Variants in DHRS3 observed in about 807,000 individuals in gnomAD.
DHRS3 encodes short-chain dehydrogenase/reductase 3.
In DHRS3, 14 loss-of-function variants were observed where a neutral mutation model predicts 27.2. That is an observed-to-expected ratio of 0.52 (90% CI 0.34 to 0.81). The LOEUF (loss-of-function observed/expected upper bound fraction) is 0.81. DHRS3 is among the 30% of genes least tolerant of loss of function. The pLI is 0.01. For missense variants in DHRS3, 322 were observed against 406.2 expected (o/e 0.79, Z 1.78); for synonymous variants, 165 against 175.9 (o/e 0.94, Z 0.49).
At position 12,574,141 on chromosome 1, in the gene DHRS3, A is replaced by G. The variant is rs1479096792; in HGVS notation, c.699-1288T>C. On this transcript the variant is annotated intron_variant, in intron 4 of 5. Transcript: ENST00000616661. The surrounding 1 kb of genome is among the most constrained non-coding windows in gnomAD (Gnocchi z 4.6). ...CATGAATCTTACCCCCTGCCCTGTA[A>G]TTCCTTTGTCATCACAATGATGATT... Among the ~76,000 whole-genome samples, 1 of 152,048 alleles carries G rather than the reference A, an allele frequency of 6.6e-6. No individual in the cohort carries two copies. The highest frequency in any genetic ancestry group is 1.5e-5 in the Non-Finnish European group (1 of 67,986).
In DHRS3 at chr1:12,578,869, G is replaced by C; in HGVS notation, c.547C>G (p.Pro183Ala). The C allele has an allele frequency of 2.5e-6, 4 of 1,613,994 alleles. No homozygotes were observed. Among genetic ancestry groups the C allele is most frequent in the Non-Finnish European group, 3.4e-6 (4 of 1,180,034 alleles). ...LNSVLALSAI[P>A]GAIDYCTSKA... ...GATGTGCAGTAGTCGATGGCACCGG[G>C]GATGGCAGACAGTGCCAGCACGGAG... The change falls in exon 4 of 6, where the codon CCC becomes GCC. Residue 183 changes from proline to alanine, a missense_variant. Transcript: ENST00000616661. The surrounding 1 kb of genome is among the most constrained non-coding windows in gnomAD (Gnocchi z 4.5).
intron 2 of DHRS3, among the ~76,000 whole-genome samples, 167 bp from the exon 3 acceptor site, chr1:12,579,579 G>A (rs1301370945): frequency 6.6e-6 from 1 of 152,178 alleles, no homozygotes; most frequent in Non-Finnish European, 1.5e-5. Flanking sequence ...GGGTTCAAGC[G>A]ATTCTCATGC....
Position 12,617,465 on chromosome 1 carries a change from C to CCTGG in DHRS3, c.-121_-118dup. ...GAATAAGGAGGAGAGAGGCGTCCCA[C>CCTGG]CTGGCCACTCTTGAAATCACCTCTT... On this transcript the variant is annotated 5_prime_UTR_variant, in exon 1 of 6. Transcript: ENST00000616661. 3 of 940,164 alleles carry CCTGG rather than the reference C, an allele frequency of 3.2e-6. No homozygotes were observed. Among genetic ancestry groups the CCTGG allele is most frequent in the Non-Finnish European group, 4.5e-6 (3 of 662,972 alleles). The allele number at this position is 940,164 out of a possible 1,614,324, so 58.2% of individuals were successfully genotyped here.
Position 12,609,418 on chromosome 1 carries a change from G to A in DHRS3, c.195+7736C>T, listed in dbSNP as rs114940789. Among the ~76,000 whole-genome samples, 795 of 152,264 alleles carry A rather than the reference G, an allele frequency of 5.2e-3. 9 individuals carry two copies. The highest frequency in any genetic ancestry group is 0.018 in the African/African-American group (767 of 41,554). On this transcript the variant is annotated intron_variant, in intron 1 of 5. Coordinates refer to ENST00000616661, the MANE Select transcript of DHRS3 (RefSeq NM_004753.7). ...GAGCCCTGAGGGCTGGGTGCCAGCT[G>A]CCTCCCACCCCCTCCAACAGTGGCA... is the stretch of plus-strand genomic sequence containing the variant.
intron 5 of DHRS3, among the ~76,000 whole-genome samples, chr1:12,571,753 C>T (rs1219218984): frequency 2.0e-5 from 3 of 152,066 alleles, no homozygotes; most frequent in Non-Finnish European, 4.4e-5. Context: ...AGGCTGGTCT[C>T]GAACTCCCAA....
chr1:12,612,737 C>T (rs1646918712), intron 1 of DHRS3, among the ~76,000 whole-genome samples: 2 of 152,088 alleles, frequency 1.3e-5, no homozygotes, highest in South Asian at 4.2e-4. Flanking sequence ...TAGTGTGTGC[C>T]CTGAATCCAA....
At chr1:12,576,568 A>AAC (rs1553138402) in intron 4 of DHRS3, among the ~76,000 whole-genome samples, 11 of 151,600 alleles carry the variant, frequency 7.3e-5, no homozygotes, top group Admixed American at 7.2e-4. Context: ...TCTTAAAAAA[A>AAC]AAAACAAAAC....
At position 12,600,505 on chromosome 1, in the gene DHRS3, C is replaced by T. The variant is rs539631030; in HGVS notation, c.195+16649G>A. The T allele has an allele frequency of 4.9e-4, 267 of 548,594 alleles. 1 individual carries two copies. In the African/African-American group the frequency reaches 5.2e-3, roughly 11 times the overall value. The allele number at this position is 548,594 out of a possible 1,614,324, so 34.0% of individuals were successfully genotyped here. A position where few individuals can be genotyped will look rare whatever the true frequency, so the allele number is the denominator to read the frequency against. On this transcript the variant is annotated intron_variant, in intron 1 of 5. Coordinates refer to ENST00000616661, the MANE Select transcript of DHRS3 (RefSeq NM_004753.7). ...CCGTGCAGCCAAGGGTGGACAGACGCCATGTGGGTGTGTCTGGCAGGACTG... is the reference window on the plus strand; with the variant it reads ...CCGTGCAGCCAAGGGTGGACAGACGTCATGTGGGTGTGTCTGGCAGGACTG...
At chr1:12,615,694 C>A (rs78831455) in intron 1 of DHRS3, among the ~76,000 whole-genome samples, 3 of 152,128 alleles carry the variant, frequency 2.0e-5, no homozygotes, top group Admixed American at 6.5e-5. Flanking sequence ...CCAAACCCCA[C>A]GTCCGCCCCA....
chr1:12,580,996 T>A (rs577519479), intron 1 of DHRS3, among the ~76,000 whole-genome samples: 54 of 151,850 alleles, frequency 3.6e-4, no homozygotes, highest in East Asian at 2.3e-3. Flanking sequence ...CTAATTTTTT[T>A]AAAAAAAATT....
intron 1 of DHRS3, among the ~76,000 whole-genome samples, chr1:12,588,815 G>A (rs573959734): frequency 2.8e-4 from 43 of 152,370 alleles, no homozygotes; most frequent in African/African-American, 9.4e-4. Context: ...GTCTCTGGGT[G>A]CGTCCCAGGA....
At chr1:12,606,311 C>A (rs1038842018) in intron 1 of DHRS3, among the ~76,000 whole-genome samples, 484 of 97,858 alleles carry the variant, frequency 4.9e-3, no homozygotes, top group Middle Eastern at 0.012. Flanking sequence ...CAATTAACAG[C>A]AAAAAAAAAA....
At chr1:12,589,569 A>C (rs911012443) in intron 1 of DHRS3, among the ~76,000 whole-genome samples, 1 of 151,704 alleles carries the variant, frequency 6.6e-6, no homozygotes, top group Non-Finnish European at 1.5e-5. Flanking sequence ...TTGTATTTTT[A>C]GTTGAGATGG....
At chr1:12,570,986 C>A (rs1161403230) in intron 5 of DHRS3, among the ~76,000 whole-genome samples, 2 of 152,250 alleles carry the variant, frequency 1.3e-5, no homozygotes, top group Admixed American at 6.5e-5. Flanking sequence ...CATGTCCCAG[C>A]AGCCAGGGCA....
intron 4 of DHRS3, among the ~76,000 whole-genome samples, chr1:12,577,269 G>A (rs978922429): frequency 1.3e-5 from 2 of 152,078 alleles, no homozygotes; most frequent in Non-Finnish European, 2.9e-5. Context: ...CCATTTATTG[G>A]GCACTTAATA....
intron 5 of DHRS3, chr1:12,570,011 G>A (rs1452187512): frequency 6.6e-6 from 1 of 152,194 alleles, no homozygotes; most frequent in Non-Finnish European, 1.5e-5. Context: ...GGTGACAATG[G>A]CTTAATCTGT....
chr1:12,610,389 T>C (rs1015340225), intron 1 of DHRS3, among the ~76,000 whole-genome samples: 1 of 152,040 alleles, frequency 6.6e-6, no homozygotes, highest in Non-Finnish European at 1.5e-5. Flanking sequence ...TGTACTGTTC[T>C]ACTGATCTTG....
chr1:12,575,700 A>G (rs1359878072), intron 4 of DHRS3, among the ~76,000 whole-genome samples: 1 of 151,830 alleles, frequency 6.6e-6, no homozygotes, highest in East Asian at 1.9e-4. Flanking sequence ...GGATACTATT[A>G]TTATTATTAT....
chr1:12,569,818 G>A (rs928755039), intron 5 of DHRS3, among the ~76,000 whole-genome samples: 6 of 152,166 alleles, frequency 3.9e-5, no homozygotes, highest in Non-Finnish European at 8.8e-5. Flanking sequence ...TGCCTGCCTC[G>A]GCCTTCCAAA....
Sources: gnomAD v4.1 joint callset for allele counts (sites outside exome capture counted in the v4.1 genomes callset) on GRCh38, gnomAD v4.1.1 for gene constraint, Gnocchi (gnomAD v3.1) non-coding constraint, MANE v1.5 for transcripts, NCBI Gene and HGNC (gene_info 2026-07-23, HGNC 2026-07-21) for gene names.